The following FANCD2 variants were observed in gnomAD, a reference collection of about 807,000 sequenced individuals.
FANCD2 encodes the protein Fanconi anemia group D2 protein.
A neutral mutation model predicts 192.3 loss-of-function variants in FANCD2; 131 were observed. That is an observed-to-expected ratio of 0.68 (90% CI 0.59 to 0.79). The LOEUF is 0.79. FANCD2 is among the 30% of genes least tolerant of loss of function. FANCD2 has a pLI of 0.00. For missense variants in FANCD2, 1,508 were observed against 1,701.6 expected (o/e 0.89, Z 2.00); for synonymous variants, 524 against 612.5 (o/e 0.86, Z 2.13).
intron 29 of FANCD2, among the ~76,000 whole-genome samples, chr3:10,077,383 C>T (rs1358162614): frequency 1.3e-5 from 2 of 152,116 alleles, no homozygotes; most frequent in Non-Finnish European, 2.9e-5. Flanking sequence ...TGATGAAACC[C>T]ATTTCTACTA....
chr3:10,096,595 T>G, intron 42 of FANCD2, 123 bp downstream of exon 42: 1 of 892,674 alleles, frequency 1.1e-6, no homozygotes. Flanking sequence ...CTCTTAAGTC[T>G]GTGACTGTTT....
chr3:10,091,477 GA>G (rs1018395681), intron 37 of FANCD2, among the ~76,000 whole-genome samples: 6 of 142,346 alleles, frequency 4.2e-5, no homozygotes, highest in East Asian at 2.1e-4. Flanking sequence ...GTCTCAAAAA[GA>G]AAAAAAAAAG....
intron 38 of FANCD2, among the ~76,000 whole-genome samples, chr3:10,092,673 CTCTT>C (rs1239052973): frequency 6.7e-6 from 1 of 149,054 alleles, no homozygotes; most frequent in African/African-American, 2.5e-5. Flanking sequence ...GTCTCTCCAC[CTCTT>C]TCATGTCTTT....
In FANCD2 at chr3:10,070,365, C is replaced by T. The variant is rs375843081; in HGVS notation, c.2495-2506C>T. 1.2e-4 allele frequency among the ~76,000 whole-genome samples: 17 copies of T among 142,924 alleles called. 1 individual carries two copies. In the East Asian group the frequency reaches 1.3e-3, roughly 11 times the overall value. The allele number at this position is 142,924 out of a possible 152,430, so 93.8% of individuals were successfully genotyped here. A position where few individuals can be genotyped will look rare whatever the true frequency, so the allele number is the denominator to read the frequency against. ...GCCCCGCCAGGCCAGCCGCCCCGTC[C>T]GGGAGGGAGGTCAGGGGGTCAGCCC... On this transcript the variant is annotated intron_variant, in intron 26 of 43. Transcript: ENST00000675286.
At chr3:10,055,360 C>G (rs552532007) in intron 18 of FANCD2, among the ~76,000 whole-genome samples, 1 of 152,216 alleles carries the variant, frequency 6.6e-6, no homozygotes, top group East Asian at 1.9e-4. Context: ...TCACTAATCA[C>G]ATTCTGTCTA....
chr3:10,071,101 C>G (rs150838760), intron 26 of FANCD2, among the ~76,000 whole-genome samples: 6 of 131,234 alleles, frequency 4.6e-5, no homozygotes, highest in Admixed American at 1.8e-4. Flanking sequence ...TCCCCCTCTG[C>G]GAGAAACACC....
intron 32 of FANCD2, among the ~76,000 whole-genome samples, chr3:10,082,726 C>T (rs1242595993): frequency 2.0e-5 from 3 of 152,138 alleles, no homozygotes; most frequent in Non-Finnish European, 4.4e-5. Flanking sequence ...GCCTCTCTAA[C>T]CCCCAGTTCT....
chr3:10,090,216 T>C, intron 36 of FANCD2, 76 bp from the exon 37 acceptor site: 1 of 1,055,372 alleles, frequency 9.5e-7, no homozygotes, highest in Admixed American at 1.8e-5. Flanking sequence ...GAAGCTACTT[T>C]TGGTTCCTGG....
intron 17 of FANCD2, among the ~76,000 whole-genome samples, chr3:10,051,451 A>G (rs7653136): frequency 1 from 125,019 of 125,022 alleles, 62,508 homozygotes; most frequent in Non-Finnish European, 1. Context: ...GGACACTGAA[A>G]AAGTTGAAGA....
chr3:10,069,569 C>T (rs1318960526), intron 26 of FANCD2, among the ~76,000 whole-genome samples: 1 of 149,252 alleles, frequency 6.7e-6, no homozygotes, highest in Non-Finnish European at 1.5e-5. Flanking sequence ...CTGCCTGATT[C>T]TCCTGCCTCA....
At chr3:10,050,139 T>C (rs2087151974) in intron 17 of FANCD2, among the ~76,000 whole-genome samples, 1 of 152,202 alleles carries the variant, frequency 6.6e-6, no homozygotes, top group African/African-American at 2.4e-5. Flanking sequence ...TACTAGTTTT[T>C]ACATACAGTT....
At chr3:10,101,057 G>A (rs1036243117) in intron 43 of FANCD2, 131 bp from the exon 44 acceptor site, 2 of 654,188 alleles carry the variant, frequency 3.1e-6, no homozygotes, top group Non-Finnish European at 2.7e-6. Flanking sequence ...GACAGAGCAA[G>A]ACTCCTTTAA....
At chr3:10,044,920 T>C (rs2086958940) in intron 14 of FANCD2, among the ~76,000 whole-genome samples, 1 of 152,190 alleles carries the variant, frequency 6.6e-6, no homozygotes. Flanking sequence ...ACATTTTTTC[T>C]CCTGTCATAA....
Position 10,028,738 on chromosome 3 carries a change from T to C in FANCD2, c.64+17T>C. The C allele has an allele frequency of 6.2e-7, 1 of 1,606,866 alleles. No homozygotes were observed. The highest frequency in any genetic ancestry group is 2.2e-5 in the East Asian group (1 of 44,826). ...ATGCCTCCAGTAAGTATCTAGTCAT[T>C]TGTTGCTTTATTTCCTGTAGCAATG... On this transcript the variant is annotated intron_variant, in intron 2 of 43. Transcript: ENST00000675286.
rs1694754507 is a variant in FANCD2, at chr3:10,093,194, A to G, written c.3850-91A>G. The G allele has an allele frequency of 4.4e-6, 4 of 915,566 alleles. No individual in the cohort carries two copies. The African/African-American group carries it at 4.9e-5, about 11-fold the overall frequency. The allele number at this position is 915,566 out of a possible 1,614,324, so 56.7% of individuals were successfully genotyped here. ...CCTCCATTTTAGAATTCTCTGCAGC[A>G]CCCAAAGCTGTGCTTTGCGCAGCGG... On this transcript the variant is annotated intron_variant, in intron 38 of 43. Coordinates refer to ENST00000675286, the MANE Select transcript of FANCD2 (RefSeq NM_001018115.3).
At chr3:10,053,608 T>C (rs1162088890) in intron 18 of FANCD2, among the ~76,000 whole-genome samples, 3 of 151,650 alleles carry the variant, frequency 2.0e-5, no homozygotes, top group African/African-American at 4.8e-5. Context: ...ATTTTAAACC[T>C]CTTGAAATTT....
At chr3:10,069,493 C>CATG (rs1192186972) in intron 26 of FANCD2, among the ~76,000 whole-genome samples, 2 of 134,420 alleles carry the variant, frequency 1.5e-5, no homozygotes, top group South Asian at 2.3e-4. Context: ...CCCCCTCTCC[C>CATG]GTCTCCCTCT....
chr3:10,069,117 C>G (rs767621552), intron 26 of FANCD2, among the ~76,000 whole-genome samples: 1 of 152,124 alleles, frequency 6.6e-6, no homozygotes, highest in Non-Finnish European at 1.5e-5. Context: ...ACCCTACAAG[C>G]ACAGGCAACC....
rs766118736 is a variant in FANCD2 at position 10,095,244 on chromosome 3, G to C, written c.4008G>C (p.Arg1336Ser). ...TGGAAACCTTCCAGTTGGACACAAG[G>C]CTGCTTCATCACCTGTGTGGGCATT... ...SLLETFQLDT[R>S]LLHHLCGHSK... Residue 1336 changes from arginine to serine, a missense_variant, in exon 41 of 44, where the codon AGG (arginine) becomes AGC (serine). Around this residue, in one of 5 missense-constraint regions of FANCD2, gnomAD observed 796 missense variants for 879.4 expected, o/e 0.91. Transcript: ENST00000675286. The C allele has an allele frequency of 6.2e-7, 1 of 1,614,118 alleles. No individual in the cohort carries two copies. Among genetic ancestry groups the C allele is most frequent in the Non-Finnish European group, 8.5e-7 (1 of 1,179,984 alleles).
Sources: gnomAD v4.1 joint callset for allele counts (sites outside exome capture counted in the v4.1 genomes callset) on GRCh38, gnomAD v4.1.1 for gene constraint, gnomAD v4.1.1 regional missense constraint, MANE v1.5 for transcripts, NCBI Gene and HGNC (gene_info 2026-07-23, HGNC 2026-07-21) for gene names.